The following SGCZ variants were observed in gnomAD, a reference collection of about 807,000 sequenced individuals.
SGCZ encodes the protein sarcoglycan zeta.
SGCZ carries 40 observed loss-of-function variants against 41.3 expected under a neutral mutation model. The observed-to-expected ratio is 0.97, with a 90% CI of 0.75 to 1.26. The LOEUF is 1.26. Among genes scored for constraint, SGCZ ranks in the 50% most tolerant of loss-of-function variants. The pLI is 0.00. For synonymous variants in SGCZ, 206 were observed against 137.5 expected (o/e 1.50, Z -3.49); for missense variants, 552 against 369.8 (o/e 1.49, Z -4.04).
At chr8:14,130,664 T>C (rs1235386820) in intron 5 of SGCZ, among the ~76,000 whole-genome samples, 1 of 152,168 alleles carries the variant, frequency 6.6e-6, no homozygotes, top group Non-Finnish European at 1.5e-5. Flanking sequence ...AAGCAGCCAC[T>C]AAATCATTTA....
At chr8:14,934,545 G>A (rs888394718) in intron 1 of SGCZ, among the ~76,000 whole-genome samples, 2 of 151,664 alleles carry the variant, frequency 1.3e-5, no homozygotes, top group Admixed American at 6.6e-5. Context: ...AAGAAAATAC[G>A]AAGACTACAT....
chr8:15,228,335 G>T (rs1024383666), intron 1 of SGCZ, among the ~76,000 whole-genome samples: 1 of 152,152 alleles, frequency 6.6e-6, no homozygotes, highest in Non-Finnish European at 1.5e-5. Context: ...TCCCAGGGAT[G>T]ATTTAATAAT....
chr8:14,154,819 T>G (rs925921547), intron 5 of SGCZ, among the ~76,000 whole-genome samples: 2 of 152,122 alleles, frequency 1.3e-5, no homozygotes, highest in Admixed American at 6.6e-5. Flanking sequence ...ATGGGCCACA[T>G]GTAGGTGTTC....
chr8:14,700,866 T>G (rs1186735126), intron 1 of SGCZ, among the ~76,000 whole-genome samples: 1 of 150,222 alleles, frequency 6.7e-6, no homozygotes. Context: ...AAAGCATTAT[T>G]AAAGGAGGAC....
intron 5 of SGCZ, among the ~76,000 whole-genome samples, chr8:14,152,591 A>G (rs767913710): frequency 6.6e-6 from 1 of 152,214 alleles, no homozygotes; most frequent in Non-Finnish European, 1.5e-5. Flanking sequence ...GCAGGAAAGG[A>G]TATGAAGTGT....
At chr8:14,766,453 T>A (rs1039975397) in intron 1 of SGCZ, among the ~76,000 whole-genome samples, 1 of 152,128 alleles carries the variant, frequency 6.6e-6, no homozygotes, top group African/African-American at 2.4e-5. Flanking sequence ...ATCTTCAAGA[T>A]AATATGTTTC....
intron 1 of SGCZ, among the ~76,000 whole-genome samples, chr8:15,087,796 T>C (rs984349395): frequency 6.6e-6 from 1 of 152,174 alleles, no homozygotes; most frequent in Non-Finnish European, 1.5e-5. Flanking sequence ...AGTTTACTCA[T>C]AGTATGAAGA....
At chr8:14,391,606 G>C (rs1804778220) in intron 2 of SGCZ, among the ~76,000 whole-genome samples, 1 of 152,080 alleles carries the variant, frequency 6.6e-6, no homozygotes, top group Non-Finnish European at 1.5e-5. Context: ...AATCAGCCCA[G>C]TATTGCATAG....
At chr8:14,422,544 C>T (rs1051234595) in intron 2 of SGCZ, among the ~76,000 whole-genome samples, 1 of 152,152 alleles carries the variant, frequency 6.6e-6, no homozygotes, top group Non-Finnish European at 1.5e-5. Context: ...TAATTGGAAA[C>T]TGTAAAGAAA....
chr8:14,953,457 G>C (rs78542705), intron 1 of SGCZ, among the ~76,000 whole-genome samples: 10,411 of 152,212 alleles, frequency 0.068, 463 homozygotes, highest in South Asian at 0.14. Flanking sequence ...TTTGGGTGGG[G>C]ACTCAGAGCC....
At chr8:15,229,825 A>C (rs1186136423) in intron 1 of SGCZ, among the ~76,000 whole-genome samples, 1 of 152,208 alleles carries the variant, frequency 6.6e-6, no homozygotes, top group Non-Finnish European at 1.5e-5. Context: ...GCTTCTACCC[A>C]AGAATGGAAA....
At chr8:15,102,534 A>T (rs574423048) in intron 1 of SGCZ, among the ~76,000 whole-genome samples, 23 of 152,240 alleles carry the variant, frequency 1.5e-4, no homozygotes, top group African/African-American at 5.5e-4. Flanking sequence ...GTTTGTAATG[A>T]TGTATCCATA....
chr8:14,870,561 G>A (rs1057511504), intron 1 of SGCZ, among the ~76,000 whole-genome samples: 1 of 152,060 alleles, frequency 6.6e-6, no homozygotes, highest in African/African-American at 2.4e-5. Context: ...AAAAGCAATG[G>A]CAAGAAAAGC....
At chr8:14,567,270 G>C (rs116593715) in intron 1 of SGCZ, among the ~76,000 whole-genome samples, 1 of 152,322 alleles carries the variant, frequency 6.6e-6, no homozygotes, top group South Asian at 2.1e-4. Context: ...ACACCAGTGC[G>C]GGATCCACTG....
intron 1 of SGCZ, among the ~76,000 whole-genome samples, chr8:15,176,192 T>C (rs1281380025): frequency 1.3e-5 from 2 of 152,234 alleles, no homozygotes; most frequent in Admixed American, 1.3e-4. Context: ...CATTTAAAGC[T>C]GAGAGGCTTT....
intron 1 of SGCZ, among the ~76,000 whole-genome samples, chr8:14,873,417 C>T (rs1469658896): frequency 1.3e-5 from 2 of 151,984 alleles, no homozygotes. Context: ...TTTGGAGACT[C>T]TAGAGTCGTA....
At chr8:14,918,217 G>A (rs538790614) in intron 1 of SGCZ, among the ~76,000 whole-genome samples, 42 of 152,130 alleles carry the variant, frequency 2.8e-4, no homozygotes, top group African/African-American at 9.4e-4. Context: ...CAATGAGACC[G>A]GCTGAATTTG....
Position 15,188,136 on chromosome 8 carries a change from T to C in SGCZ, c.39+49449A>G, listed in dbSNP as rs147513720. On this transcript the variant is annotated intron_variant, in intron 1 of 7. Transcript: ENST00000382080. ...GGATTCAAATACTCTTTAGATAATCTGACTGCAGCATACCACTCCAAACAT... is the reference window on the plus strand; with the variant it reads ...GGATTCAAATACTCTTTAGATAATCCGACTGCAGCATACCACTCCAAACAT... 8.0e-3 allele frequency among the ~76,000 whole-genome samples: 1,219 copies of C among 152,182 alleles called. 13 individuals carry two copies. Among genetic ancestry groups the C allele is most frequent in the Middle Eastern group, 0.048 (14 of 294 alleles).
chr8:14,471,867 G>C (rs943985792), intron 2 of SGCZ, among the ~76,000 whole-genome samples: 1 of 151,844 alleles, frequency 6.6e-6, no homozygotes, highest in Non-Finnish European at 1.5e-5. Context: ...TTTACTAAGG[G>C]TTCCAATGAA....
Sources: gnomAD v4.1 joint callset for allele counts (sites outside exome capture counted in the v4.1 genomes callset) on GRCh38, gnomAD v4.1.1 for gene constraint, MANE v1.5 for transcripts, NCBI Gene and HGNC (gene_info 2026-07-23, HGNC 2026-07-21) for gene names.